ACTR3: variants seen among roughly 807,000 people sequenced by gnomAD.
ACTR3 encodes the protein actin related protein 3, also known as actin-related protein 3.
In ACTR3, 12 loss-of-function variants were observed where a neutral mutation model predicts 56.8. That is an observed-to-expected ratio of 0.21 (90% CI 0.14 to 0.34). ACTR3 has a LOEUF of 0.34. Among genes scored for constraint, ACTR3 ranks in the 10% least tolerant of loss-of-function variants. ACTR3 has a pLI of 1.00. For synonymous variants in ACTR3, 162 were observed against 167.4 expected, an observed-to-expected ratio of 0.97 and a Z score of 0.25; for missense variants, 282 against 512.5, an observed-to-expected ratio of 0.55 and a Z score of 4.34.
chr2:113,943,511 G>A (rs1466013129), intron 8 of ACTR3, among the ~76,000 whole-genome samples: 1 of 152,194 alleles, frequency 6.6e-6, no homozygotes, highest in Admixed American at 6.5e-5. Flanking sequence ...CGCAGCATTG[G>A]TTTGGACGGG....
chr2:113,901,542 T>C, intron 1 of ACTR3, among the ~76,000 whole-genome samples: 1 of 152,344 alleles, frequency 6.6e-6, no homozygotes, highest in South Asian at 2.1e-4. Context: ...AGATGTACTT[T>C]ATTTTTATGA....
chr2:113,929,308 A>C (rs1679676818), intron 4 of ACTR3, among the ~76,000 whole-genome samples: 1 of 152,004 alleles, frequency 6.6e-6, no homozygotes, highest in South Asian at 2.1e-4. Flanking sequence ...ACACCTGGGT[A>C]ATGTGTTCTG....
intron 1 of ACTR3, among the ~76,000 whole-genome samples, chr2:113,903,267 G>T (rs1157045838): frequency 6.6e-6 from 1 of 152,086 alleles, no homozygotes; most frequent in Non-Finnish European, 1.5e-5. Flanking sequence ...GCCTAAGTGT[G>T]GTTTTCTTTA....
chr2:113,942,422 CAG>C (rs1679940065), intron 8 of ACTR3, 63 bp downstream of exon 8: 2 of 1,143,430 alleles, frequency 1.7e-6, no homozygotes, highest in African/African-American at 1.6e-5. Flanking sequence ...AATAGATATT[CAG>C]AGAGAATTAA....
intron 6 of ACTR3, among the ~76,000 whole-genome samples, chr2:113,939,465 T>C (rs1318082969): frequency 6.6e-6 from 1 of 152,258 alleles, no homozygotes; most frequent in African/African-American, 2.4e-5. Context: ...CTATTTGTTA[T>C]ACTTCTGACA....
chr2:113,931,177 A>G (rs912554586), intron 4 of ACTR3, 124 bp from the exon 5 acceptor site: 5 of 562,796 alleles, frequency 8.9e-6, no homozygotes, highest in Non-Finnish European at 9.0e-6. Flanking sequence ...CTGTCTTTCT[A>G]CTTGTAAATT....
chr2:113,890,452 G>C (rs1190465086), intron 1 of ACTR3, 129 bp downstream of exon 1: 4 of 1,276,214 alleles, frequency 3.1e-6, no homozygotes, highest in Non-Finnish European at 4.2e-6. Context: ...AGACCCGCCG[G>C]CCAGCGAGGG....
intron 2 of ACTR3, among the ~76,000 whole-genome samples, chr2:113,914,553 G>A (rs1009004902): frequency 4.2e-4 from 63 of 148,746 alleles, no homozygotes; most frequent in African/African-American, 1.6e-3. Flanking sequence ...GGAGGTTGCA[G>A]TGAGCTGAGA....
chr2:113,900,712 A>G (rs1679084977), intron 1 of ACTR3, among the ~76,000 whole-genome samples: 1 of 152,206 alleles, frequency 6.6e-6, no homozygotes, highest in Non-Finnish European at 1.5e-5. Context: ...ATGGTGGAAC[A>G]AGCATTCAGT....
rs551833821 is a variant in ACTR3, at chr2:113,901,096, A to T, written c.44+10773A>T. 1.1e-3 allele frequency among the ~76,000 whole-genome samples: 161 copies of T among 152,220 alleles called. 1 individual carries two copies. The highest frequency in any genetic ancestry group is 2.9e-3 in the Admixed American group (45 of 15,276). ...GCACTTTGGGAGGCCGAGGCCGCAGATCACCTGAGGTCGGGAGTTTGAGAC... is the reference window on the plus strand; with the variant it reads ...GCACTTTGGGAGGCCGAGGCCGCAGTTCACCTGAGGTCGGGAGTTTGAGAC... On this transcript the variant is annotated intron_variant, in intron 1 of 11. Coordinates refer to ENST00000263238, the MANE Select transcript of ACTR3 (RefSeq NM_005721.5).
chr2:113,902,035 AC>A (rs1173644288), intron 1 of ACTR3, among the ~76,000 whole-genome samples: 1 of 152,238 alleles, frequency 6.6e-6, no homozygotes, highest in African/African-American at 2.4e-5. Flanking sequence ...TATAACAGAT[AC>A]CTGCATTTGT....
chr2:113,911,868 CTGGTATTACAGG>C (rs1272861756), intron 1 of ACTR3, among the ~76,000 whole-genome samples: 2 of 151,866 alleles, frequency 1.3e-5, no homozygotes, highest in Non-Finnish European at 2.9e-5. Flanking sequence ...TCCCAAGTAG[CTGGTATTACAGG>C]TGCCCACCAC....
chr2:113,901,032 G>GT (rs1361192815), intron 1 of ACTR3, among the ~76,000 whole-genome samples: 1 of 152,160 alleles, frequency 6.6e-6, no homozygotes, highest in African/African-American at 2.4e-5. Flanking sequence ...TGTTTTAAAA[G>GT]TTTCTGGCTG....
rs954355882 is a variant in ACTR3, at chr2:113,958,891, T to G, written c.*1436T>G. 1.3e-5 allele frequency: 2 copies of G among 152,070 alleles called. No individual in the cohort carries two copies. Among genetic ancestry groups the G allele is most frequent in the Admixed American group, 6.6e-5 (1 of 15,252 alleles). The allele number at this position is 152,070 out of a possible 1,614,324, so 9.4% of individuals were successfully genotyped here. On this transcript the variant is annotated 3_prime_UTR_variant, in exon 12 of 12. Transcript: ENST00000263238. Reference sequence around the variant, plus strand: ...AATATAAAGTGTTTAGTTTTTTGTTTTTACTCTAAAGATAGAATTGGGGAG... The same window carrying G: ...AATATAAAGTGTTTAGTTTTTTGTTGTTACTCTAAAGATAGAATTGGGGAG...
intron 11 of ACTR3, among the ~76,000 whole-genome samples, 181 bp from the exon 12 acceptor site, chr2:113,957,179 T>A (rs542420993): frequency 6.6e-6 from 1 of 152,306 alleles, no homozygotes; most frequent in African/African-American, 2.4e-5. Context: ...CGATAAAGAT[T>A]TATAGCTGAT....
At chr2:113,906,742 A>AGTTATGGCATCC (rs770506288) in intron 1 of ACTR3, among the ~76,000 whole-genome samples, 14 of 152,124 alleles carry the variant, frequency 9.2e-5, no homozygotes, top group African/African-American at 1.4e-4. Flanking sequence ...TCATCTTAGT[A>AGTTATGGCATCC]GTTATGGCAT....
rs746973418 is a variant in ACTR3 at position 113,916,886 on chromosome 2, A to G, written c.103A>G (p.Ile35Val). The change falls in exon 3 of 12, where the codon ATT becomes GTT. Residue 35 changes from isoleucine (I) to valine (V), a missense_variant and splice_region_variant. Physicochemically the swap from Ile to Val is conservative, Grantham distance 29. Coordinates refer to ENST00000263238, the MANE Select transcript of ACTR3 (RefSeq NM_005721.5). ...GACATGTCTAACTTATTTTAAAGGT[A>G]TTGCTATTAAGGAGTCAGCAAAAGT... Reference protein sequence around the residue: ...TEPQFIIPSCIAIKESAKVGD... With the variant: ...TEPQFIIPSCVAIKESAKVGD... 1 of 1,602,824 alleles carries G rather than the reference A, an allele frequency of 6.2e-7. No homozygotes were observed. Among genetic ancestry groups the G allele is most frequent in the East Asian group, 2.2e-5 (1 of 44,492 alleles).
At chr2:113,939,131 C>G (rs1446082954) in intron 6 of ACTR3, among the ~76,000 whole-genome samples, 1 of 151,692 alleles carries the variant, frequency 6.6e-6, no homozygotes, top group Non-Finnish European at 1.5e-5. Flanking sequence ...TCACGCCATT[C>G]TCCTGCCTCA....
At chr2:113,948,275 A>G (rs943648096) in intron 8 of ACTR3, among the ~76,000 whole-genome samples, 1 of 152,022 alleles carries the variant, frequency 6.6e-6, no homozygotes, top group Non-Finnish European at 1.5e-5. Context: ...TCAGACTCCC[A>G]AGTAGCTGGG....
Sources: gnomAD v4.1 joint callset for allele counts (sites outside exome capture counted in the v4.1 genomes callset) on GRCh38, gnomAD v4.1.1 for gene constraint, MANE v1.5 for transcripts, NCBI Gene and HGNC (gene_info 2026-07-23, HGNC 2026-07-21) for gene names.